Variants in CNBD1 observed in about 807,000 individuals in gnomAD.
CNBD1 encodes cyclic nucleotide-binding domain-containing protein 1.
Under a neutral mutation model 54.4 loss-of-function variants are expected in CNBD1, and 71 were observed. The ratio of observed to expected loss-of-function variants is 1.30; its 90% CI spans 1.08 to 1.59. The LOEUF (loss-of-function observed/expected upper bound fraction) is 1.59, where lower values mean the gene tolerates loss of function less well. CNBD1 is among the 40% of genes most tolerant of loss of function. The pLI is 0.00. For missense variants in CNBD1, 659 were observed against 518.0 expected (o/e 1.27, Z -2.64); for synonymous variants, 182 against 170.7 (o/e 1.07, Z -0.51).
chr8:87,091,448 C>G (rs148549036), intron 4 of CNBD1, among the ~76,000 whole-genome samples: 1 of 152,180 alleles, frequency 6.6e-6, no homozygotes, highest in South Asian at 2.1e-4. Flanking sequence ...TCTCTAACAT[C>G]AACTCCAGAA....
intron 8 of CNBD1, among the ~76,000 whole-genome samples, chr8:87,308,488 A>G (rs536448737): frequency 6.6e-6 from 1 of 152,250 alleles, no homozygotes; most frequent in South Asian, 2.1e-4. Context: ...GTACATATTT[A>G]TGGGGTACAT....
intron 2 of CNBD1, among the ~76,000 whole-genome samples, chr8:87,403,674 T>C (rs563862004): frequency 6.6e-6 from 1 of 152,058 alleles, no homozygotes; most frequent in South Asian, 2.1e-4. Flanking sequence ...TTTAAAAAAA[T>C]TATTATTGTA....
intron 5 of CNBD1, among the ~76,000 whole-genome samples, chr8:87,229,142 C>A (rs533623728): frequency 6.6e-6 from 1 of 152,272 alleles, no homozygotes; most frequent in East Asian, 1.9e-4. Flanking sequence ...GACCTGCGCC[C>A]GCTGTCTGGC....
intron 2 of CNBD1, among the ~76,000 whole-genome samples, chr8:87,395,498 T>G (rs749182941): frequency 5.3e-5 from 8 of 151,910 alleles, no homozygotes; most frequent in Non-Finnish European, 4.4e-5. Flanking sequence ...ATAAAGGTTT[T>G]AAAAAGTAGT....
At chr8:87,138,559 A>G (rs1308988298) in intron 4 of CNBD1, among the ~76,000 whole-genome samples, 4 of 152,174 alleles carry the variant, frequency 2.6e-5, no homozygotes, top group African/African-American at 9.7e-5. Context: ...TGTTTAGTGG[A>G]AATAGTGTTT....
At chr8:87,099,656 T>C (rs1811390112) in intron 4 of CNBD1, among the ~76,000 whole-genome samples, 1 of 152,194 alleles carries the variant, frequency 6.6e-6, no homozygotes, top group Non-Finnish European at 1.5e-5. Context: ...CTCCCAATTT[T>C]TGTTTATCTG....
At chr8:86,873,346 C>T (rs1808468802) in intron 1 of CNBD1, among the ~76,000 whole-genome samples, 1 of 151,866 alleles carries the variant, frequency 6.6e-6, no homozygotes, top group South Asian at 2.1e-4. Flanking sequence ...GGTGATCTGC[C>T]CGCCTCGGCC....
chr8:87,352,904 G>T (rs969646374), intron 9 of CNBD1, among the ~76,000 whole-genome samples: 1 of 152,122 alleles, frequency 6.6e-6, no homozygotes, highest in African/African-American at 2.4e-5. Context: ...TTGACTCCAG[G>T]TTATTTAGTA....
chr8:87,318,891 C>G (rs1809459760), intron 8 of CNBD1, among the ~76,000 whole-genome samples: 2 of 152,002 alleles, frequency 1.3e-5, no homozygotes, highest in Admixed American at 1.3e-4. Context: ...TTAACACTAT[C>G]TTTCATGGAA....
chr8:86,897,944 G>GA (rs1434224351), intron 2 of CNBD1, among the ~76,000 whole-genome samples: 1 of 151,622 alleles, frequency 6.6e-6, no homozygotes, highest in Admixed American at 6.6e-5. Context: ...TTTTGAGATA[G>GA]AAAAAAATGA....
At chr8:87,332,968 G>A (rs1173690365) in intron 8 of CNBD1, among the ~76,000 whole-genome samples, 1 of 152,046 alleles carries the variant, frequency 6.6e-6, no homozygotes, top group African/African-American at 2.4e-5. Context: ...TGGGCAGTAT[G>A]GTCATTTTCA....
chr8:87,387,228 A>G (rs2130965331), downstream of CNBD1, among the ~76,000 whole-genome samples: 1 of 152,302 alleles, frequency 6.6e-6, no homozygotes, highest in South Asian at 2.1e-4. Flanking sequence ...TAACATCGTA[A>G]TGACAGGATC....
intron 8 of CNBD1, among the ~76,000 whole-genome samples, chr8:87,341,694 G>C (rs929535995): frequency 2.0e-5 from 3 of 152,148 alleles, no homozygotes; most frequent in African/African-American, 7.2e-5. Context: ...CTTTTGCTCT[G>C]ATCTCTTGTG....
chr8:87,009,313 T>A (rs1250449447), intron 4 of CNBD1, among the ~76,000 whole-genome samples: 1 of 152,078 alleles, frequency 6.6e-6, no homozygotes, highest in Non-Finnish European at 1.5e-5. Flanking sequence ...TTATTTTTAT[T>A]TTTTTGAGAC....
At chr8:87,028,310 A>G (rs970113430) in intron 4 of CNBD1, among the ~76,000 whole-genome samples, 2 of 152,200 alleles carry the variant, frequency 1.3e-5, no homozygotes, top group African/African-American at 4.8e-5. Context: ...GGGGCCGGAG[A>G]GAGACAGAAA....
At chr8:87,296,884 G>A (rs1808885669) in intron 8 of CNBD1, among the ~76,000 whole-genome samples, 1 of 151,870 alleles carries the variant, frequency 6.6e-6, no homozygotes, top group Non-Finnish European at 1.5e-5. Context: ...CATTTAAAAA[G>A]TAAAAAATAA....
At chr8:87,374,686 G>T (rs1810889162) in intron 10 of CNBD1, among the ~76,000 whole-genome samples, 2 of 151,714 alleles carry the variant, frequency 1.3e-5, no homozygotes. Context: ...TTATTGCCTG[G>T]CCATGAAATA....
At chr8:87,082,260 G>A (rs555948785) in intron 4 of CNBD1, among the ~76,000 whole-genome samples, 22 of 151,960 alleles carry the variant, frequency 1.4e-4, no homozygotes, top group Admixed American at 2.6e-4. Context: ...ACCCCTGCCC[G>A]CAAGAGATAA....
intron 2 of CNBD1, among the ~76,000 whole-genome samples, chr8:87,413,482 C>T (rs1807781827): frequency 6.6e-6 from 1 of 152,040 alleles, no homozygotes. Context: ...GCCTAAAGAG[C>T]TTAGCCACTG....
Sources: allele counts gnomAD v4.1 joint callset (sites outside exome capture counted in the v4.1 genomes callset), GRCh38; gene constraint gnomAD v4.1.1; transcripts MANE v1.5; gene names NCBI Gene and HGNC (gene_info 2026-07-23, HGNC 2026-07-21).